LAMC1: variants seen among roughly 807,000 people sequenced by gnomAD.
LAMC1 encodes the protein laminin subunit gamma-1.
In LAMC1, 38 loss-of-function variants were observed where a neutral mutation model predicts 173.6. The ratio of observed to expected loss-of-function variants is 0.22; its 90% CI spans 0.17 to 0.29. LAMC1 has a LOEUF of 0.29. LAMC1 is among the 10% of genes least tolerant of loss of function. The pLI, the probability that LAMC1 is intolerant of heterozygous loss-of-function variation, is 1.00. For missense variants in LAMC1, 1,824 were observed against 2,051.8 expected (o/e 0.89, Z 2.14); for synonymous variants, 746 against 749.1 (o/e 1.00, Z 0.07).
chr1:183,096,563 A>G (rs1165595859), intron 1 of LAMC1: 2 of 152,260 alleles, frequency 1.3e-5, no homozygotes, highest in East Asian at 1.9e-4. Flanking sequence ...CTGTACTCAG[A>G]AAACATGACT....
At chr1:183,049,744 G>A (rs901896693) in intron 1 of LAMC1, among the ~76,000 whole-genome samples, 2 of 151,626 alleles carry the variant, frequency 1.3e-5, no homozygotes, top group African/African-American at 2.4e-5. Context: ...GATGACAGGC[G>A]TGAGCCACCA....
rs751192311 is a variant in LAMC1, at chr1:183,132,448, T to C, written c.3615T>C (p.Asn1205=). The C allele has an allele frequency of 6.2e-7, 1 of 1,613,498 alleles. No individual in the cohort carries two copies. The highest frequency in any genetic ancestry group is 1.7e-5 in the Admixed American group (1 of 60,020). The stretch of plus-strand genomic sequence containing the variant: ...TTGTTCGAGTGGCAAAGACAGCCAA[T>C]GATACGTCAACTGAGGCATACAACC... ...DDIVRVAKTA[N]DTSTEAYNLL... The change falls in exon 21 of 28, where the codon AAT becomes AAC. Residue 1205 remains asparagine, a synonymous_variant. Coordinates refer to ENST00000258341, the MANE Select transcript of LAMC1 (RefSeq NM_002293.4).
chr1:183,108,816 C>T (rs1398917819), intron 3 of LAMC1, among the ~76,000 whole-genome samples: 1 of 152,164 alleles, frequency 6.6e-6, no homozygotes. Context: ...AACTGAAATA[C>T]TTGTAATCAC....
In LAMC1 at chr1:183,103,386, C is replaced by T. The variant is rs770032468; in HGVS notation, c.477C>T (p.Ser159=). 10 of 1,614,186 alleles carry T rather than the reference C, an allele frequency of 6.2e-6. No homozygotes were observed. Among genetic ancestry groups the T allele is most frequent in the Non-Finnish European group, 8.5e-6 (10 of 1,180,032 alleles). ...RLKFHTSRPE[S]FAIYKRTRED... ...AGTTCCACACCAGCCGCCCGGAGAGCTTTGCCATTTACAAGCGCACACGGG... is the reference window on the plus strand; with the variant it reads ...AGTTCCACACCAGCCGCCCGGAGAGTTTTGCCATTTACAAGCGCACACGGG... The change falls in exon 2 of 28, where the codon AGC becomes AGT. Residue 159 remains serine (S), a synonymous_variant. Coordinates refer to ENST00000258341, the MANE Select transcript of LAMC1 (RefSeq NM_002293.4).
intron 1 of LAMC1, among the ~76,000 whole-genome samples, chr1:183,095,437 C>T (rs960101660): frequency 6.6e-6 from 1 of 152,226 alleles, no homozygotes; most frequent in African/African-American, 2.4e-5. Context: ...TAGCTTCCCA[C>T]ACAATTATGG....
intron 1 of LAMC1, among the ~76,000 whole-genome samples, chr1:183,047,725 A>G (rs941768827): frequency 6.6e-6 from 1 of 152,142 alleles, no homozygotes; most frequent in Non-Finnish European, 1.5e-5. Flanking sequence ...ATTGTGGGGA[A>G]TTGGAGGGGA....
intron 1 of LAMC1, among the ~76,000 whole-genome samples, chr1:183,036,560 A>ATG (rs1653989540): frequency 6.7e-6 from 1 of 149,864 alleles, no homozygotes; most frequent in African/African-American, 2.5e-5. Flanking sequence ...GTGCCACCAC[A>ATG]CCCAGCTAAT....
At chr1:183,125,279 T>TG in intron 14 of LAMC1, 118 bp from the exon 15 acceptor site, 1 of 972,730 alleles carries the variant, frequency 1.0e-6, no homozygotes, top group Non-Finnish European at 1.6e-6. Flanking sequence ...AGTAGCCACA[T>TG]GTGACAGCAG....
rs191795902 is a variant in LAMC1, at chr1:183,060,483, C to T, written c.418+36349C>T. Among the ~76,000 whole-genome samples the T allele has an allele frequency of 3.2e-4, 49 of 152,100 alleles. 1 individual carries two copies. Among genetic ancestry groups the T allele is most frequent in the Middle Eastern group, 3.4e-3 (1 of 294 alleles). On this transcript the variant is annotated intron_variant, in intron 1 of 27. Coordinates refer to ENST00000258341, the MANE Select transcript of LAMC1 (RefSeq NM_002293.4). ...AGACTCAATTCAAACTTTATTTCTA[C>T]TGTGCAGTCTCTTGGACCAGGCTCT...
intron 1 of LAMC1, among the ~76,000 whole-genome samples, chr1:183,071,096 T>TTG (rs541772447): frequency 4.0e-4 from 61 of 152,004 alleles, no homozygotes; most frequent in African/African-American, 1.2e-3. Flanking sequence ...GTTTTTGTTT[T>TTG]TTTTTTTTTG....
chr1:183,124,633 A>G lies in LAMC1; in HGVS notation c.2404A>G (p.Lys802Glu). Reference sequence around the variant, plus strand: ...ACATCAGATTGTCTCATCCCCAGGTAAGAGATGTGAGCTCTGTGATGATGG... The same window carrying G: ...ACATCAGATTGTCTCATCCCCAGGTGAGAGATGTGAGCTCTGTGATGATGG... ...CTNCPTGTTG[K>E]RCELCDDGYF... Residue 802 changes from lysine to glutamate, a missense_variant and splice_region_variant, in exon 14 of 28, where the codon AAG (lysine) becomes GAG (glutamate). Physicochemically the swap from Lys to Glu is moderately conservative, Grantham distance 56. Coordinates refer to ENST00000258341, the MANE Select transcript of LAMC1 (RefSeq NM_002293.4). 6.2e-7 allele frequency: 1 copy of G among 1,614,186 alleles called. No homozygotes were observed. The highest frequency in any genetic ancestry group is 8.5e-7 in the Non-Finnish European group (1 of 1,180,016).
intron 1 of LAMC1, among the ~76,000 whole-genome samples, chr1:183,025,070 C>A (rs1053554780): frequency 6.6e-6 from 1 of 152,194 alleles, no homozygotes; most frequent in African/African-American, 2.4e-5. Flanking sequence ...GTGTGAGAAA[C>A]ACGTTTGACT....
chr1:183,140,265 A>T, intron 26 of LAMC1, 139 bp from the exon 27 acceptor site: 2 of 421,056 alleles, frequency 4.7e-6, no homozygotes, highest in East Asian at 4.3e-5. Flanking sequence ...AAAAAAAAAA[A>T]GCAATGAGAG....
chr1:183,029,213 C>G (rs570375478), intron 1 of LAMC1, among the ~76,000 whole-genome samples: 6 of 152,314 alleles, frequency 3.9e-5, no homozygotes, highest in Non-Finnish European at 7.4e-5. Context: ...GTCCAAGACT[C>G]TACTCTTACC....
At chr1:183,100,787 A>G (rs965877795) in intron 1 of LAMC1, among the ~76,000 whole-genome samples, 1 of 152,154 alleles carries the variant, frequency 6.6e-6, no homozygotes, top group African/African-American at 2.4e-5. Flanking sequence ...CTCTCTTGTC[A>G]TGGAGGTGTG....
intron 1 of LAMC1, among the ~76,000 whole-genome samples, chr1:183,069,948 C>T (rs1654972323): frequency 6.6e-6 from 1 of 152,120 alleles, no homozygotes; most frequent in South Asian, 2.1e-4. Context: ...AGGCACCAAG[C>T]CTGAAAAAAG....
In LAMC1 at chr1:183,130,524, A is replaced by G; in HGVS notation, c.3461A>G (p.Lys1154Arg). 1 of 1,614,186 alleles carries G rather than the reference A, an allele frequency of 6.2e-7. No homozygotes were observed. The highest frequency in any genetic ancestry group is 1.3e-5 in the African/African-American group (1 of 75,028). ...GAAATCGCATCCAGAGAACTTGAGA[A>G]AGCAAAAGTCGCTGCTGCCAATGTG... ...LIEIASRELEKAKVAAANVSV... is the reference protein window; with the variant it reads ...LIEIASRELERAKVAAANVSV... Residue 1154 changes from lysine (K) to arginine (R), a missense_variant, in exon 19 of 28, where the codon AAA (lysine) becomes AGA (arginine). Transcript: ENST00000258341.
chr1:183,057,783 G>T (rs1654636191), intron 1 of LAMC1, among the ~76,000 whole-genome samples: 1 of 152,064 alleles, frequency 6.6e-6, no homozygotes, highest in Non-Finnish European at 1.5e-5. Flanking sequence ...CTGTCAAACT[G>T]TAGCCTAAGC....
rs911891855 is a variant in LAMC1, at chr1:183,128,393, A to T, written c.3124-201A>T. Among the ~76,000 whole-genome samples the T allele has an allele frequency of 2.0e-5, 3 of 152,102 alleles. No homozygotes were observed. The South Asian group carries it at 6.2e-4, about 32-fold the overall frequency. ...AACTACATATTCATGCAGCACACCA[A>T]CATGGCACATGTATACATATGTAAC... On this transcript the variant is annotated intron_variant, in intron 17 of 27. Transcript: ENST00000258341.
Sources: allele counts gnomAD v4.1 joint callset (sites outside exome capture counted in the v4.1 genomes callset), GRCh38; gene constraint gnomAD v4.1.1; transcripts MANE v1.5; gene names NCBI Gene and HGNC (gene_info 2026-07-23, HGNC 2026-07-21).